The following HDAC4 variants were observed in gnomAD, a reference collection of about 807,000 sequenced individuals.
HDAC4 encodes the protein histone deacetylase 4.
In HDAC4, 16 loss-of-function variants were observed where a neutral mutation model predicts 135.1. The ratio of observed to expected loss-of-function variants is 0.12; its 90% CI spans 0.08 to 0.18. The LOEUF (loss-of-function observed/expected upper bound fraction) is 0.18, where lower values mean the gene tolerates loss of function less well. HDAC4 is among the 10% of genes least tolerant of loss of function. The pLI is 1.00. For synonymous variants in HDAC4, 685 were observed against 653.4 expected, an observed-to-expected ratio of 1.05 and a Z score of -0.74; for missense variants, 1,143 against 1,511.8, an observed-to-expected ratio of 0.76 and a Z score of 4.05.
chr2:239,352,793 A>C lies in HDAC4; in HGVS notation c.-94T>G. On this transcript the variant is annotated 5_prime_UTR_variant, in exon 2 of 27. It removes an upstream start codon present in the reference 5' UTR. Transcript: ENST00000543185. The surrounding 1 kb of genome is among the most constrained non-coding windows in gnomAD (Gnocchi z 4.4). ...ACGAGCTCCAAACTCCCACCAACAC[A>C]TACAAGTACCGGGACGGTGAGGGCT... The C allele has an allele frequency of 2.5e-6, 3 of 1,223,658 alleles. No individual in the cohort carries two copies. Among genetic ancestry groups the C allele is most frequent in the Non-Finnish European group, 3.5e-6 (3 of 848,670 alleles). The allele number at this position is 1,223,658 out of a possible 1,614,324, so 75.8% of individuals were successfully genotyped here.
chr2:239,167,727 CT>C lies in HDAC4; in HGVS notation c.491-3805del, dbSNP rs76427189. On this transcript the variant is annotated intron_variant, in intron 5 of 26. Coordinates refer to ENST00000543185, the MANE Select transcript of HDAC4 (RefSeq NM_001378414.1). This position sits in a 1 kb window ranked among gnomAD's most constrained non-coding sequence, Gnocchi z 4.1. Reference sequence around the variant, plus strand: ...CAGATCTCCCTAATTTTTACTTTTACTTTTTTTTTTTTTTTCTTAATTCACA... The same window carrying C: ...CAGATCTCCCTAATTTTTACTTTTACTTTTTTTTTTTTTTCTTAATTCACA... Among the ~76,000 whole-genome samples the C allele has an allele frequency of 5.4e-3, 781 of 144,062 alleles. 3 individuals are homozygous for C. The highest frequency in any genetic ancestry group is 0.019 in the Middle Eastern group (5 of 270). The allele number at this position is 144,062 out of a possible 152,430, so 94.5% of individuals were successfully genotyped here.
intron 2 of HDAC4, among the ~76,000 whole-genome samples, chr2:239,283,492 C>T (rs540967225): frequency 4.4e-4 from 67 of 152,344 alleles, no homozygotes; most frequent in African/African-American, 1.6e-3. Flanking sequence ...GCCTGGGACG[C>T]CACTGCCGGC....
In HDAC4 at chr2:239,376,969, GC is replaced by G. The variant is rs531554692; in HGVS notation, c.-220+24008del. On this transcript the variant is annotated intron_variant, in intron 1 of 26. Coordinates refer to ENST00000543185, the MANE Select transcript of HDAC4 (RefSeq NM_001378414.1). ...CTTATTGGAAGGGGAGCTATTCCAC[GC>G]CCGTCCCTCCTGGACATAGACCACT... Among the ~76,000 whole-genome samples the G allele has an allele frequency of 3.8e-3, 582 of 152,130 alleles. 5 individuals are homozygous for G. Among genetic ancestry groups the G allele is most frequent in the South Asian group, 0.02 (94 of 4,812 alleles).
intron 16 of HDAC4, among the ~76,000 whole-genome samples, chr2:239,100,583 G>A (rs2037521002): frequency 6.6e-6 from 1 of 152,244 alleles, no homozygotes; most frequent in South Asian, 2.1e-4. Context: ...CTCGGGCCCT[G>A]GGTCCTCCTT....
At chr2:239,292,307 A>G (rs528933148) in intron 2 of HDAC4, among the ~76,000 whole-genome samples, 17 of 152,370 alleles carry the variant, frequency 1.1e-4, no homozygotes, top group Admixed American at 9.8e-4. Flanking sequence ...GGCAGAAGAC[A>G]AGATGCCCTC....
chr2:239,365,762 G>A, intron 1 of HDAC4, among the ~76,000 whole-genome samples: 1 of 151,892 alleles, frequency 6.6e-6, no homozygotes, highest in East Asian at 1.9e-4. Flanking sequence ...GGCACTGGGG[G>A]ACACACACAG....
intron 3 of HDAC4, among the ~76,000 whole-genome samples, chr2:239,201,065 G>A (rs1338776419): frequency 6.6e-6 from 1 of 152,196 alleles, no homozygotes; most frequent in Non-Finnish European, 1.5e-5. Context: ...CTTTAGTGCT[G>A]ATGTATTAAT....
At chr2:239,377,983 C>G (rs1167749616) in intron 1 of HDAC4, among the ~76,000 whole-genome samples, 1 of 152,148 alleles carries the variant, frequency 6.6e-6, no homozygotes, top group Non-Finnish European at 1.5e-5. Flanking sequence ...ATCAAAATGC[C>G]TGGTTTTCAA....
intron 2 of HDAC4, among the ~76,000 whole-genome samples, chr2:239,248,623 C>G (rs2048604588): frequency 6.6e-6 from 1 of 152,230 alleles, no homozygotes; most frequent in Admixed American, 6.5e-5. Flanking sequence ...AGCTAAGTAA[C>G]TCCTAGCAGG....
intron 7 of HDAC4, among the ~76,000 whole-genome samples, chr2:239,150,117 A>G (rs1427340893): frequency 1.3e-5 from 2 of 152,212 alleles, no homozygotes; most frequent in African/African-American, 4.8e-5. Context: ...CCACCATATA[A>G]TATTAATTAA....
intron 9 of HDAC4, among the ~76,000 whole-genome samples, chr2:239,137,378 TG>T (rs2041040636): frequency 6.6e-6 from 1 of 152,210 alleles, no homozygotes; most frequent in Non-Finnish European, 1.5e-5. Flanking sequence ...CTTACGCACC[TG>T]GGCGACTTCC....
At chr2:239,224,465 C>T (rs1364590423) in intron 3 of HDAC4, among the ~76,000 whole-genome samples, 1 of 152,180 alleles carries the variant, frequency 6.6e-6, no homozygotes, top group African/African-American at 2.4e-5. Context: ...TTTATGTCTC[C>T]CGCACCGCCC....
chr2:239,283,620 T>C (rs569904744), intron 2 of HDAC4, among the ~76,000 whole-genome samples: 2 of 152,258 alleles, frequency 1.3e-5, no homozygotes, highest in Non-Finnish European at 2.9e-5. Context: ...TTGTAAGCAC[T>C]GATTGCATTT....
chr2:239,140,468 T>TA (rs1203241390), intron 8 of HDAC4, among the ~76,000 whole-genome samples: 6 of 152,170 alleles, frequency 3.9e-5, no homozygotes, highest in Non-Finnish European at 7.3e-5. Flanking sequence ...GGTCTGCTGC[T>TA]ATTTTGGGCA....
intron 24 of HDAC4, among the ~76,000 whole-genome samples, chr2:239,060,123 G>A (rs1030291240): frequency 9.9e-5 from 15 of 152,202 alleles, no homozygotes; most frequent in Admixed American, 2.0e-4. Flanking sequence ...CATGGCACTC[G>A]GGGTACAAAA....
intron 12 of HDAC4, among the ~76,000 whole-genome samples, chr2:239,117,066 T>G (rs1488509388): frequency 2.0e-5 from 3 of 152,160 alleles, no homozygotes; most frequent in Non-Finnish European, 4.4e-5. Flanking sequence ...CATCGCACAT[T>G]CACTAAAAGG....
chr2:239,312,503 G>A (rs2052931073), intron 2 of HDAC4, among the ~76,000 whole-genome samples: 1 of 152,218 alleles, frequency 6.6e-6, no homozygotes, highest in African/African-American at 2.4e-5. Flanking sequence ...GCCAGATGAT[G>A]GTGAAATTCA....
intron 2 of HDAC4, among the ~76,000 whole-genome samples, chr2:239,257,161 T>G (rs534625689): frequency 6.6e-6 from 1 of 151,936 alleles, no homozygotes; most frequent in Non-Finnish European, 1.5e-5. Context: ...AATCATCTTA[T>G]AGAAGAATTT....
intron 1 of HDAC4, among the ~76,000 whole-genome samples, chr2:239,372,305 C>A (rs1575766962): frequency 6.6e-6 from 1 of 152,338 alleles, no homozygotes; most frequent in Non-Finnish European, 1.5e-5. Flanking sequence ...CGCTCCCCAT[C>A]CCCGGGCCCT....
Sources: allele counts gnomAD v4.1 joint callset (sites outside exome capture counted in the v4.1 genomes callset), GRCh38; gene constraint gnomAD v4.1.1; non-coding constraint Gnocchi (gnomAD v3.1); transcripts MANE v1.5; gene names NCBI Gene and HGNC (gene_info 2026-07-23, HGNC 2026-07-21).